Variants in AGBL1 observed in about 807,000 individuals in gnomAD.
AGBL1 encodes AGBL carboxypeptidase 1, also known as cytosolic carboxypeptidase 4.
A neutral mutation model predicts 118.9 loss-of-function variants in AGBL1; 130 were observed. The ratio of observed to expected loss-of-function variants is 1.09; its 90% CI spans 0.95 to 1.26. The LOEUF (loss-of-function observed/expected upper bound fraction) is 1.26, where lower values mean the gene tolerates loss of function less well. Among genes scored for constraint, AGBL1 ranks in the 50% most tolerant of loss-of-function variants. The pLI is 0.00. For synonymous variants in AGBL1, 555 were observed against 478.9 expected, an observed-to-expected ratio of 1.16 and a Z score of -2.08; for missense variants, 1,584 against 1,298.1, an observed-to-expected ratio of 1.22 and a Z score of -3.38.
At chr15:86,088,717 T>C (rs1895833876) in intron 1 of AGBL1, among the ~76,000 whole-genome samples, 1 of 152,240 alleles carries the variant, frequency 6.6e-6, no homozygotes, top group African/African-American at 2.4e-5. Context: ...TATATTTCTT[T>C]ACTAAAGAAT....
chr15:86,205,113 A>G (rs2077970438), intron 5 of AGBL1, among the ~76,000 whole-genome samples: 1 of 152,180 alleles, frequency 6.6e-6, no homozygotes. Context: ...GTTGGGGGTA[A>G]TGTCATCCTT....
intron 5 of AGBL1, among the ~76,000 whole-genome samples, chr15:86,205,568 C>A (rs949904096): frequency 6.6e-6 from 1 of 152,216 alleles, no homozygotes; most frequent in Non-Finnish European, 1.5e-5. Flanking sequence ...TTTGCATTCG[C>A]ATCAGCAATG....
chr15:86,895,073 T>C (rs770165667), intron 22 of AGBL1, among the ~76,000 whole-genome samples: 1 of 151,200 alleles, frequency 6.6e-6, no homozygotes, highest in Non-Finnish European at 1.5e-5. Flanking sequence ...TCTTCCCTCC[T>C]TCCCTTTCTT....
At chr15:86,529,293 G>A (rs1474508636) in intron 19 of AGBL1, among the ~76,000 whole-genome samples, 1 of 134,352 alleles carries the variant, frequency 7.4e-6, no homozygotes, top group South Asian at 2.2e-4. Context: ...ACCAAGGCTC[G>A]AGAACTACGT....
At chr15:86,583,981 T>G (rs976010576) in intron 21 of AGBL1, among the ~76,000 whole-genome samples, 5 of 152,222 alleles carry the variant, frequency 3.3e-5, no homozygotes, top group African/African-American at 9.6e-5. Flanking sequence ...GCCACTTGTA[T>G]GTCTTCTTTT....
intron 1 of AGBL1, among the ~76,000 whole-genome samples, chr15:86,125,544 T>C (rs773238669): frequency 1.3e-5 from 2 of 152,240 alleles, no homozygotes; most frequent in Non-Finnish European, 2.9e-5. Context: ...CTAATAGTCT[T>C]AATAAACAAT....
rs55955604 is a variant in AGBL1 at position 86,356,335 on chromosome 15, C to CGTGTGTGTGTGT, written c.2375-41021_2375-41010dup. On this transcript the variant is annotated intron_variant, in intron 17 of 22. Coordinates refer to ENST00000614907, the MANE Select transcript of AGBL1 (RefSeq NM_001386094.1). ...TTGGATTTATATCTACGAAGATAGA[C>CGTGTGTGTGTGT]GTGTGTGTGTGTGTGTGTGTGCGCG... 2.1e-3 allele frequency among the ~76,000 whole-genome samples: 308 copies of CGTGTGTGTGTGT among 150,162 alleles called. 3 individuals are homozygous for CGTGTGTGTGTGT. The highest frequency in any genetic ancestry group is 7.3e-3 in the African/African-American group (298 of 40,970).
At chr15:86,402,760 G>A (rs529419001) in intron 18 of AGBL1, among the ~76,000 whole-genome samples, 20 of 152,278 alleles carry the variant, frequency 1.3e-4, no homozygotes, top group Middle Eastern at 3.4e-3. Flanking sequence ...TTTGATAAGA[G>A]TGTCCAGTGA....
chr15:86,968,706 C>T (rs770415436), intron 23 of AGBL1, among the ~76,000 whole-genome samples: 2 of 151,904 alleles, frequency 1.3e-5, no homozygotes, highest in Non-Finnish European at 2.9e-5. Flanking sequence ...GTGCCTTAGT[C>T]TCTTCAGGCT....
intron 23 of AGBL1, among the ~76,000 whole-genome samples, chr15:86,921,162 G>A (rs956988898): frequency 2.0e-5 from 3 of 152,186 alleles, no homozygotes; most frequent in African/African-American, 7.2e-5. Context: ...GAAGTAGGTC[G>A]TAAGAGGATT....
chr15:86,370,178 G>C (rs915665557), intron 17 of AGBL1, among the ~76,000 whole-genome samples: 1 of 151,900 alleles, frequency 6.6e-6, no homozygotes, highest in Non-Finnish European at 1.5e-5. Flanking sequence ...AGCTAAATCA[G>C]TAATTAGAAA....
chr15:86,450,002 T>C (rs1430787317), intron 18 of AGBL1, among the ~76,000 whole-genome samples: 1 of 152,226 alleles, frequency 6.6e-6, no homozygotes, highest in Non-Finnish European at 1.5e-5. Flanking sequence ...GTGTGCCATC[T>C]GTTCACCTAC....
intron 19 of AGBL1, among the ~76,000 whole-genome samples, chr15:86,541,551 C>T (rs2083494660): frequency 7.1e-6 from 1 of 140,540 alleles, no homozygotes; most frequent in South Asian, 2.2e-4. Context: ...CATGATTGCA[C>T]CACTGCATTC....
chr15:86,114,949 T>C (rs1436808955), intron 1 of AGBL1, among the ~76,000 whole-genome samples: 2 of 152,200 alleles, frequency 1.3e-5, no homozygotes, highest in African/African-American at 4.8e-5. Context: ...AATGTCTTTA[T>C]TGAACTTCAT....
At chr15:86,985,868 G>A (rs1198188031) in intron 23 of AGBL1, among the ~76,000 whole-genome samples, 6 of 151,706 alleles carry the variant, frequency 4.0e-5, no homozygotes, top group Non-Finnish European at 7.4e-5. Context: ...TTTCGAGTTC[G>A]CTTTTGTATG....
chr15:86,498,904 C>T lies in AGBL1; in HGVS notation c.2556-23906C>T, dbSNP rs536897549. On this transcript the variant is annotated intron_variant, in intron 18 of 22. Coordinates refer to ENST00000614907, the MANE Select transcript of AGBL1 (RefSeq NM_001386094.1). Reference sequence around the variant, plus strand: ...TTTTCCTTTCCGTATTACTCTTCTCCTAAGGAATATGACCATGAGGCAGTT... The same window carrying T: ...TTTTCCTTTCCGTATTACTCTTCTCTTAAGGAATATGACCATGAGGCAGTT... Among the ~76,000 whole-genome samples, 3 of 151,964 alleles carry T rather than the reference C, an allele frequency of 2.0e-5. No homozygotes were observed. In the South Asian group the frequency reaches 6.2e-4, roughly 32 times the overall value.
At chr15:86,118,458 A>G (rs1210042590) in intron 1 of AGBL1, among the ~76,000 whole-genome samples, 1 of 145,768 alleles carries the variant, frequency 6.9e-6, no homozygotes, top group East Asian at 2.0e-4. Flanking sequence ...CAATGACAAC[A>G]TTATAATTAC....
At chr15:86,725,644 T>C (rs188717438) in intron 22 of AGBL1, among the ~76,000 whole-genome samples, 95 of 152,334 alleles carry the variant, frequency 6.2e-4, no homozygotes, top group South Asian at 5.4e-3. Context: ...CCAGAAACAT[T>C]CCTTTGTAAA....
intron 23 of AGBL1, among the ~76,000 whole-genome samples, chr15:86,973,683 G>A (rs903847720): frequency 6.6e-6 from 1 of 151,704 alleles, no homozygotes; most frequent in Non-Finnish European, 1.5e-5. Context: ...GAAAGAGAAA[G>A]GATCTTTGTG....
Sources: gnomAD v4.1 joint callset for allele counts (sites outside exome capture counted in the v4.1 genomes callset) on GRCh38, gnomAD v4.1.1 for gene constraint, MANE v1.5 for transcripts, NCBI Gene and HGNC (gene_info 2026-07-23, HGNC 2026-07-21) for gene names.